Variants in MEGF6 observed in about 807,000 individuals in gnomAD.
MEGF6 encodes the protein multiple epidermal growth factor-like domains protein 6.
A neutral mutation model predicts 207.1 loss-of-function variants in MEGF6; 184 were observed. The ratio of observed to expected loss-of-function variants is 0.89; its 90% confidence interval spans 0.79 to 1.00. MEGF6 has a LOEUF of 1.00. Among genes scored for constraint, MEGF6 ranks in the 50% least tolerant of loss-of-function variants. MEGF6 has a pLI of 0.00. For missense variants in MEGF6, 2,282 were observed against 2,202.9 expected (o/e 1.04, Z -0.72); for synonymous variants, 1,038 against 910.0 (o/e 1.14, Z -2.53).
At chr1:3,554,888 C>T (rs1642989426) in intron 4 of MEGF6, among the ~76,000 whole-genome samples, 1 of 152,218 alleles carries the variant, frequency 6.6e-6, no homozygotes, top group African/African-American at 2.4e-5. Context: ...CGCGGGGCCA[C>T]TATTCTGGAA....
intron 4 of MEGF6, among the ~76,000 whole-genome samples, chr1:3,542,006 C>G (rs1307362507): frequency 6.6e-6 from 1 of 152,242 alleles, no homozygotes; most frequent in Non-Finnish European, 1.5e-5. Flanking sequence ...AGAGCCGGGT[C>G]CGGCACCGAG....
chr1:3,606,605 G>C (rs538851759), intron 1 of MEGF6, among the ~76,000 whole-genome samples: 109 of 152,336 alleles, frequency 7.2e-4, no homozygotes, highest in African/African-American at 2.5e-3. Context: ...GTGTGAGCTA[G>C]TGTTACTGCA....
At chr1:3,508,441 G>A (rs1641199757) in intron 13 of MEGF6, 117 bp downstream of exon 13, 6 of 1,212,624 alleles carry the variant, frequency 4.9e-6, no homozygotes, top group Admixed American at 2.3e-5. Context: ...TCTGCACAGA[G>A]CCCCCTGCCC....
rs949226141 is a variant in MEGF6, at chr1:3,556,917, C to T, written c.481+22908G>A. 1.3e-5 allele frequency among the ~76,000 whole-genome samples: 2 copies of T among 152,190 alleles called. No individual in the cohort carries two copies. The highest frequency in any genetic ancestry group is 6.5e-5 in the Admixed American group (1 of 15,280). ...GAAAGAACGAAGGCAGCCCCTCAGCCGACCTGACCTAGGAAGCCGATCCCG... is the reference window on the plus strand; with the variant it reads ...GAAAGAACGAAGGCAGCCCCTCAGCTGACCTGACCTAGGAAGCCGATCCCG... On this transcript the variant is annotated intron_variant, in intron 4 of 36. Coordinates refer to ENST00000356575, the MANE Select transcript of MEGF6 (RefSeq NM_001409.4). This position sits in a 1 kb window ranked among gnomAD's most constrained non-coding sequence, Gnocchi z 4.4.
chr1:3,577,094 T>A (rs1296699934), intron 4 of MEGF6, among the ~76,000 whole-genome samples: 2 of 151,794 alleles, frequency 1.3e-5, no homozygotes, highest in African/African-American at 2.4e-5. Context: ...CAGCCCTGCA[T>A]AATTGAGCCC....
intron 35 of MEGF6, 113 bp from the exon 36 acceptor site, chr1:3,491,072 A>C: frequency 1.1e-6 from 1 of 882,208 alleles, no homozygotes; most frequent in Non-Finnish European, 1.6e-6. Flanking sequence ...CTTCCCCCGC[A>C]CAGTCTCCTT....
At chr1:3,508,073 C>A (rs1039487918) in intron 13 of MEGF6, 150 bp from the exon 14 acceptor site, 6 of 825,746 alleles carry the variant, frequency 7.3e-6, no homozygotes, top group Non-Finnish European at 9.3e-6. Flanking sequence ...ATGCTCATGG[C>A]AGACATCACT....
rs1338750844 is a variant in MEGF6, at chr1:3,505,435, C to T, written c.2040G>A (p.Glu680=). ...GCCTGGACTCACCTGCCTGACAGCGCTCGCCCCGGAAGCCAGCCTTGCAGG... is the reference window on the plus strand; with the variant it reads ...GCCTGGACTCACCTGCCTGACAGCGTTCGCCCCGGAAGCCAGCCTTGCAGG... ...SCSCKAGFRG[E]RCQAECELGY... is the part of the protein sequence containing the mutation. Residue 680 remains glutamate (E), a synonymous_variant, in exon 16 of 37, where the codon GAG becomes GAA. Coordinates refer to ENST00000356575, the MANE Select transcript of MEGF6 (RefSeq NM_001409.4). 1.2e-6 allele frequency: 2 copies of T among 1,610,344 alleles called. No individual in the cohort carries two copies. Among genetic ancestry groups the T allele is most frequent in the East Asian group, 4.5e-5 (2 of 44,804 alleles).
rs1643467775 is a variant in MEGF6 at position 3,570,589 on chromosome 1, C to T, written c.481+9236G>A. Among the ~76,000 whole-genome samples, 8 of 152,274 alleles carry T rather than the reference C, an allele frequency of 5.3e-5. No individual in the cohort carries two copies. The South Asian group carries it at 1.5e-3, about 28-fold the overall frequency. On this transcript the variant is annotated intron_variant, in intron 4 of 36. Transcript: ENST00000356575. ...GCCCAGGTGCCAGGTGCTCTGTCCA[C>T]CCGCCGGGGCACACCCGCTGCTCCA...
the MEGF6 span, chr1:3,624,408 G>C: frequency 6.6e-6 from 1 of 152,320 alleles, no homozygotes; most frequent in Admixed American, 6.5e-5. Context: ...GCCCGGGCGC[G>C]CATTCCAGCA....
intron 4 of MEGF6, among the ~76,000 whole-genome samples, chr1:3,559,821 C>T (rs557799237): frequency 2.0e-5 from 3 of 151,822 alleles, no homozygotes; most frequent in African/African-American, 7.3e-5. Flanking sequence ...ACCAGCCTGG[C>T]CAACATGGTG....
At chr1:3,585,045 T>C (rs1643872600) in intron 3 of MEGF6, among the ~76,000 whole-genome samples, 1 of 151,986 alleles carries the variant, frequency 6.6e-6, no homozygotes, top group Admixed American at 6.5e-5. Context: ...ACGTCCTGTG[T>C]GTGGGAGTGA....
intron 4 of MEGF6, among the ~76,000 whole-genome samples, chr1:3,540,535 A>G (rs972928384): frequency 1.3e-5 from 2 of 152,206 alleles, no homozygotes; most frequent in Non-Finnish European, 2.9e-5. Context: ...TTTCCCTGCG[A>G]GGGCAGCCTT....
At position 3,556,131 on chromosome 1, in the gene MEGF6, C is replaced by T. The variant is rs140350167; in HGVS notation, c.481+23694G>A. Among the ~76,000 whole-genome samples, 325 of 152,334 alleles carry T rather than the reference C, an allele frequency of 2.1e-3. 5 individuals are homozygous for T. The East Asian group carries it at 0.037, about 17-fold the overall frequency. On this transcript the variant is annotated intron_variant, in intron 4 of 36. Transcript: ENST00000356575. This position sits in a 1 kb window ranked among gnomAD's most constrained non-coding sequence, Gnocchi z 4.4. ...ACCTGTTACAGCAGGAGTGGCCTTC[C>T]GTGGCCCAGGTGCTAAGTGAACCAC...
upstream of MEGF6, among the ~76,000 whole-genome samples, chr1:3,615,900 A>G (rs59988821): frequency 0.054 from 8,169 of 152,338 alleles, 727 homozygotes; most frequent in African/African-American, 0.19. Flanking sequence ...TCCCCAGTAG[A>G]CATAAGGAGT....
intron 4 of MEGF6, among the ~76,000 whole-genome samples, chr1:3,552,716 C>G (rs968988290): frequency 6.6e-6 from 1 of 152,116 alleles, no homozygotes; most frequent in Non-Finnish European, 1.5e-5. Context: ...GAAAAGAAAC[C>G]CTGGGAGGCT....
At position 3,508,428 on chromosome 1, in the gene MEGF6, G is replaced by A. The variant is rs1641199555; in HGVS notation, c.1660+130C>T. ...GGAATTAACAAATGGATGAATGAAT[G>A]GCTCTGCACAGAGCCCCCTGCCCAG... On this transcript the variant is annotated intron_variant, in intron 13 of 36. Transcript: ENST00000356575. The A allele has an allele frequency of 4.0e-6, 4 of 998,368 alleles. No homozygotes were observed. The Admixed American group carries it at 7.8e-5, about 19-fold the overall frequency. 61.8% of individuals were successfully genotyped at this position (998,368 alleles called of 1,614,324 possible). A position where few individuals can be genotyped will look rare whatever the true frequency, so the allele number is the denominator to read the frequency against.
chr1:3,569,249 C>T (rs1435558777), intron 4 of MEGF6, among the ~76,000 whole-genome samples: 1 of 152,254 alleles, frequency 6.6e-6, no homozygotes, highest in Non-Finnish European at 1.5e-5. Context: ...CACAGGGCAC[C>T]CAGGCCACAC....
chr1:3,533,736 C>A (rs1642245131), intron 4 of MEGF6, among the ~76,000 whole-genome samples: 2 of 152,188 alleles, frequency 1.3e-5, no homozygotes, highest in African/African-American at 4.8e-5. Context: ...GGGCCCAGTA[C>A]TCGGCGGGAG....
Sources: gnomAD v4.1 joint callset for allele counts (sites outside exome capture counted in the v4.1 genomes callset) on GRCh38, gnomAD v4.1.1 for gene constraint, Gnocchi (gnomAD v3.1) non-coding constraint, MANE v1.5 for transcripts, NCBI Gene and HGNC (gene_info 2026-07-23, HGNC 2026-07-21) for gene names.